Variants in TRHDE observed in about 807,000 individuals in gnomAD.
TRHDE encodes the protein thyrotropin releasing hormone degrading enzyme, also known as thyrotropin-releasing hormone-degrading ectoenzyme.
TRHDE carries 72 observed loss-of-function variants against 125.7 expected under a neutral mutation model. The ratio of observed to expected loss-of-function variants is 0.57; its 90% CI spans 0.47 to 0.70. The LOEUF is 0.70. TRHDE is among the 30% of genes least tolerant of loss of function. TRHDE has a pLI of 0.00. For missense variants in TRHDE, 1,110 were observed against 1,327.1 expected (o/e 0.84, Z 2.54); for synonymous variants, 509 against 509.1 (o/e 1.00, Z 0.00).
intron 1 of TRHDE, among the ~76,000 whole-genome samples, chr12:72,101,125 CAGCATCTAGAAGCCTAATAAATT>C (rs1479854514): frequency 1.3e-5 from 2 of 152,208 alleles, no homozygotes; most frequent in African/African-American, 4.8e-5. Context: ...GATTGAATCA[CAGCATCTAGAAGCCTAATAAATT>C]AGCTGCTGAA....
At chr12:72,236,337 T>C (rs1431613333) in intron 2 of TRHDE, among the ~76,000 whole-genome samples, 1 of 152,228 alleles carries the variant, frequency 6.6e-6, no homozygotes, top group Non-Finnish European at 1.5e-5. Context: ...TGTTGCAATG[T>C]AAAGCAGTTC....
intron 2 of TRHDE, among the ~76,000 whole-genome samples, chr12:72,146,041 A>G (rs1267116195): frequency 6.6e-6 from 1 of 152,170 alleles, no homozygotes; most frequent in African/African-American, 2.4e-5. Context: ...ATTTCTCACT[A>G]CTAGAAATGT....
intron 1 of TRHDE, among the ~76,000 whole-genome samples, chr12:72,274,151 AG>A (rs1879386746): frequency 6.6e-6 from 1 of 152,162 alleles, no homozygotes; most frequent in African/African-American, 2.4e-5. Flanking sequence ...TTCCAGAGAT[AG>A]GCTGAGAGGA....
intron 2 of TRHDE, among the ~76,000 whole-genome samples, chr12:72,341,307 C>T (rs757695363): frequency 1.1e-4 from 16 of 151,818 alleles, no homozygotes; most frequent in Non-Finnish European, 1.8e-4. Flanking sequence ...TGATGTTCCC[C>T]GCCCTGTGTC....
chr12:72,501,739 AT>A (rs1171604179), intron 6 of TRHDE, among the ~76,000 whole-genome samples: 1 of 152,034 alleles, frequency 6.6e-6, no homozygotes, highest in Non-Finnish European at 1.5e-5. Flanking sequence ...TTCTCGGAGA[AT>A]TTGTATAAAA....
chr12:72,594,519 A>G (rs1489748269), intron 12 of TRHDE, among the ~76,000 whole-genome samples: 1 of 117,400 alleles, frequency 8.5e-6, no homozygotes, highest in African/African-American at 3.8e-5. Context: ...TTTTTTTTTT[A>G]ATATTACTAG....
chr12:72,493,152 T>A (rs1877759256), intron 5 of TRHDE, among the ~76,000 whole-genome samples: 1 of 151,940 alleles, frequency 6.6e-6, no homozygotes. Context: ...TTCTATTTGT[T>A]TGATTCCAAG....
intron 3 of TRHDE, among the ~76,000 whole-genome samples, chr12:72,459,089 A>G (rs1391084649): frequency 6.6e-6 from 1 of 152,142 alleles, no homozygotes; most frequent in African/African-American, 2.4e-5. Flanking sequence ...TCCAGTTTTT[A>G]GAGACTGCAC....
chr12:72,550,200 C>A (rs1268342526), intron 7 of TRHDE, among the ~76,000 whole-genome samples: 1 of 151,804 alleles, frequency 6.6e-6, no homozygotes, highest in Non-Finnish European at 1.5e-5. Context: ...ATGTGTAAAT[C>A]TGTAATTACA....
chr12:72,395,016 G>GA (rs1872736971), intron 3 of TRHDE, among the ~76,000 whole-genome samples: 1 of 152,180 alleles, frequency 6.6e-6, no homozygotes, highest in African/African-American at 2.4e-5. Flanking sequence ...CAAGCTAATT[G>GA]ACATATGCAT....
At chr12:72,292,166 T>A (rs2139435392) in intron 2 of TRHDE, among the ~76,000 whole-genome samples, 1 of 152,354 alleles carries the variant, frequency 6.6e-6, no homozygotes, top group Non-Finnish European at 1.5e-5. Context: ...TTAAGATCTT[T>A]ATAAAGCCTT....
In TRHDE at chr12:72,206,969, A is replaced by T. The variant is rs542765627; in HGVS notation, n.279+101217A>T. 1.2e-4 allele frequency among the ~76,000 whole-genome samples: 18 copies of T among 152,292 alleles called. No homozygotes were observed. The South Asian group carries it at 3.7e-3, about 32-fold the overall frequency. On this transcript the variant is annotated intron_variant and non_coding_transcript_variant, in intron 2 of 4. Transcript: ENST00000548156. ...GCAACTGGAACTACATGATTTATTG[A>T]ACACAATGGGATGAAAATGAGACTT... is the stretch of plus-strand genomic sequence containing the variant.
In TRHDE at chr12:72,326,340, G is replaced by A. The variant is rs1262740157; in HGVS notation, c.1188+39386G>A. On this transcript the variant is annotated intron_variant, in intron 2 of 18. Coordinates refer to ENST00000261180, the MANE Select transcript of TRHDE (RefSeq NM_013381.3). ...CTCATGTTCTCACTCATAAGTGGGA[G>A]TTGAACAATGAGAACAGATGGACAC... Among the ~76,000 whole-genome samples, 7 of 152,190 alleles carry A rather than the reference G, an allele frequency of 4.6e-5. No individual in the cohort carries two copies. In the South Asian group the frequency reaches 1.5e-3, roughly 32 times the overall value.
chr12:72,492,160 T>A (rs1382644958), intron 5 of TRHDE, among the ~76,000 whole-genome samples: 1 of 151,930 alleles, frequency 6.6e-6, no homozygotes, highest in African/African-American at 2.4e-5. Context: ...ATTTTACACA[T>A]GAGATTTTGA....
At chr12:72,426,635 AG>A (rs779178926) in intron 3 of TRHDE, among the ~76,000 whole-genome samples, 3 of 152,040 alleles carry the variant, frequency 2.0e-5, no homozygotes, top group Non-Finnish European at 4.4e-5. Context: ...AGACAGGACA[AG>A]TTCAACAGCT....
intron 3 of TRHDE, among the ~76,000 whole-genome samples, chr12:72,467,036 T>C (rs17111210): frequency 0.098 from 14,884 of 152,238 alleles, 907 homozygotes; most frequent in African/African-American, 0.16. Context: ...ATTTGTTGTA[T>C]ATATGAATGC....
intron 2 of TRHDE, among the ~76,000 whole-genome samples, chr12:72,372,732 C>A (rs1871667725): frequency 6.6e-6 from 1 of 152,172 alleles, no homozygotes; most frequent in Non-Finnish European, 1.5e-5. Flanking sequence ...GGGCTCTGTT[C>A]TGTTCCATTG....
chr12:72,163,760 T>G (rs1346947527), intron 2 of TRHDE, among the ~76,000 whole-genome samples: 5 of 152,156 alleles, frequency 3.3e-5, no homozygotes. Context: ...GAAATGCACA[T>G]CTTAGAATGG....
At chr12:72,344,734 A>G (rs912635228) in intron 2 of TRHDE, among the ~76,000 whole-genome samples, 1 of 151,800 alleles carries the variant, frequency 6.6e-6, no homozygotes, top group Non-Finnish European at 1.5e-5. Context: ...AGTGGAGGCC[A>G]CTCCCAAGCC....
Sources: gnomAD v4.1 joint callset for allele counts (sites outside exome capture counted in the v4.1 genomes callset) on GRCh38, gnomAD v4.1.1 for gene constraint, MANE v1.5 for transcripts, NCBI Gene and HGNC (gene_info 2026-07-23, HGNC 2026-07-21) for gene names.